DDA1: variants seen among roughly 807,000 people sequenced by gnomAD.
DDA1 encodes DET1- and DDB1-associated protein 1.
In DDA1, 3 loss-of-function variants were observed where a neutral mutation model predicts 18.6. The ratio of observed to expected loss-of-function variants is 0.16; its 90% confidence interval spans 0.07 to 0.42. The LOEUF (loss-of-function observed/expected upper bound fraction) is 0.42. Ranked by LOEUF, DDA1 falls within the 10% of genes least tolerant of loss-of-function variation. The probability of loss-of-function intolerance (pLI) is 0.99; values close to 1 mark genes in which losing one functional copy is unlikely to be tolerated. For missense variants in DDA1, 105 were observed against 138.2 expected (o/e 0.76, Z 1.20); for synonymous variants, 52 against 54.0 (o/e 0.96, Z 0.17).
rs547382958 is a variant in DDA1, at chr19:17,314,514, C to T, written c.136+125C>T. The T allele has an allele frequency of 2.2e-4, 291 of 1,296,472 alleles. No individual in the cohort carries two copies. In the African/African-American group the frequency reaches 3.5e-3, roughly 16 times the overall value. 80.3% of individuals were successfully genotyped at this position (1,296,472 alleles called of 1,614,324 possible). A position where few individuals can be genotyped will look rare whatever the true frequency, so the allele number is the denominator to read the frequency against. On this transcript the variant is annotated intron_variant, in intron 3 of 4. Coordinates refer to ENST00000359866, the MANE Select transcript of DDA1 (RefSeq NM_024050.6). This position sits in a 1 kb window ranked among gnomAD's most constrained non-coding sequence, Gnocchi z 4.6. The stretch of plus-strand genomic sequence containing the variant: ...GCCATAGACTTGGCTTGGGTTCACA[C>T]GCTGTCTACTGAATCCAGTTAAGTC...
chr19:17,318,832 G>A (rs1363718137), intron 4 of DDA1, among the ~76,000 whole-genome samples: 1 of 151,036 alleles, frequency 6.6e-6, no homozygotes, highest in Non-Finnish European at 1.5e-5. Flanking sequence ...CGCCTGGCAA[G>A]TTTGTTTTTT....
chr19:17,316,093 G>T, intron 4 of DDA1, 98 bp downstream of exon 4: 3 of 1,403,992 alleles, frequency 2.1e-6, no homozygotes, highest in Non-Finnish European at 3.0e-6. Flanking sequence ...AGTGATTGGA[G>T]CAGGGCCTTG....
At chr19:17,310,423 C>T (rs973905) in intron 1 of DDA1, among the ~76,000 whole-genome samples, 105,639 of 152,080 alleles carry the variant, frequency 0.69, 37,825 homozygotes, top group African/African-American at 0.8. Context: ...TTCAGGGTTC[C>T]TCAGTCATCC....
Position 17,315,440 on chromosome 19 carries a change from A to G in DDA1, c.137-494A>G, listed in dbSNP as rs527526634. 1.6e-3 allele frequency among the ~76,000 whole-genome samples: 188 copies of G among 119,482 alleles called. 1 individual carries two copies. The highest frequency in any genetic ancestry group is 2.7e-3 in the Non-Finnish European group (144 of 53,830). 78.4% of individuals were successfully genotyped at this position (119,482 alleles called of 152,430 possible). A position where few individuals can be genotyped will look rare whatever the true frequency, so the allele number is the denominator to read the frequency against. On this transcript the variant is annotated intron_variant, in intron 3 of 4. Coordinates refer to ENST00000359866, the MANE Select transcript of DDA1 (RefSeq NM_024050.6). ...TGTGTGTGTGTGTGCATATATATAT[A>G]TATATATATATATATTAGCCGGGCG...
rs147250555 is a variant in DDA1, at chr19:17,319,740, C to T, written c.*84C>T. ...GCCCGCCATGTGTAAGCACCCCGCC[C>T]GCCCGCCTCCCTGCCGGCCCATCCA... On this transcript the variant is annotated 3_prime_UTR_variant, in exon 5 of 5. Coordinates refer to ENST00000359866, the MANE Select transcript of DDA1 (RefSeq NM_024050.6). The T allele has an allele frequency of 1.1e-3, 1,391 of 1,240,488 alleles. 7 individuals are homozygous for T. The African/African-American group carries it at 0.013, about 12-fold the overall frequency. The allele number at this position is 1,240,488 out of a possible 1,614,324, so 76.8% of individuals were successfully genotyped here. A position where few individuals can be genotyped will look rare whatever the true frequency, so the allele number is the denominator to read the frequency against.
intron 4 of DDA1, among the ~76,000 whole-genome samples, chr19:17,319,115 C>A (rs2074227440): frequency 6.6e-6 from 1 of 152,170 alleles, no homozygotes; most frequent in Non-Finnish European, 1.5e-5. Flanking sequence ...AGAAACCAGC[C>A]CTGTGTGGGT....
At chr19:17,318,869 G>C (rs535252220) in intron 4 of DDA1, among the ~76,000 whole-genome samples, 73 of 151,970 alleles carry the variant, frequency 4.8e-4, no homozygotes, top group African/African-American at 1.6e-3. Flanking sequence ...TTGAACAGTG[G>C]GTGGCTGCCT....
rs749185153 is a variant in DDA1, at chr19:17,309,671, C to T, written c.3+14C>T. 3.7e-6 allele frequency: 6 copies of T among 1,612,516 alleles called. No individual in the cohort carries two copies. The South Asian group carries it at 5.5e-5, about 15-fold the overall frequency. ...AAACAGAAGATGGTGAGGATGGCCT[C>T]CAGGCCCCCACTCCCCCTCTGCTAG... On this transcript the variant is annotated intron_variant, in intron 1 of 4. Transcript: ENST00000359866.
At chr19:17,315,685 T>C (rs2074209661) in intron 3 of DDA1, 1 of 571,846 alleles carries the variant, frequency 1.7e-6, no homozygotes, top group Non-Finnish European at 3.1e-6. Flanking sequence ...GGCATGAGAG[T>C]CTCAGTTGCG....
Position 17,322,192 on chromosome 19 carries a change from G to A in DDA1, c.*2536G>A, listed in dbSNP as rs1331729354. 1 of 153,168 alleles carries A rather than the reference G, an allele frequency of 6.5e-6. No individual in the cohort carries two copies. Among genetic ancestry groups the A allele is most frequent in the African/African-American group, 2.4e-5 (1 of 41,426 alleles). 9.5% of individuals were successfully genotyped at this position (153,168 alleles called of 1,614,324 possible). ...CTGCCCGTCGCTCTGCAGGGCTGCT[G>A]GGCGGGCACCTCCTTCCCCTCCCCT... is the stretch of plus-strand genomic sequence containing the variant. On this transcript the variant is annotated 3_prime_UTR_variant, in exon 5 of 5. Coordinates refer to ENST00000359866, the MANE Select transcript of DDA1 (RefSeq NM_024050.6).
chr19:17,317,118 C>T (rs112382769), intron 4 of DDA1, among the ~76,000 whole-genome samples: 13,015 of 149,812 alleles, frequency 0.087, 654 homozygotes, highest in Non-Finnish European at 0.11. Context: ...CCAGCTACTC[C>T]GGAGGCTGAG....
At chr19:17,313,704 A>AAGTGCTG (rs2074189710) in intron 1 of DDA1, among the ~76,000 whole-genome samples, 1 of 152,078 alleles carries the variant, frequency 6.6e-6, no homozygotes, top group African/African-American at 2.4e-5. Flanking sequence ...CGGCCTCCCA[A>AAGTGCTG]AGTGCTGGGA....
intron 1 of DDA1, among the ~76,000 whole-genome samples, chr19:17,313,545 C>T (rs553822837): frequency 4.0e-5 from 6 of 149,514 alleles, no homozygotes; most frequent in African/African-American, 1.5e-4. Context: ...CGAGTTCAAG[C>T]GATTCTCCAG....
chr19:17,317,603 G>A (rs890242241), intron 4 of DDA1, among the ~76,000 whole-genome samples: 2 of 149,710 alleles, frequency 1.3e-5, no homozygotes, highest in Non-Finnish European at 3.0e-5. Context: ...AGAGGCTGAC[G>A]CAAGCAGATG....
intron 4 of DDA1, among the ~76,000 whole-genome samples, chr19:17,317,465 T>C (rs7252528): frequency 0.72 from 109,803 of 151,476 alleles, 41,098 homozygotes; most frequent in African/African-American, 0.85. Context: ...TGCAGTGAGC[T>C]GAAATTGCAC....
intron 1 of DDA1, among the ~76,000 whole-genome samples, chr19:17,312,582 C>T (rs960425157): frequency 1.3e-5 from 2 of 152,256 alleles, no homozygotes; most frequent in South Asian, 4.1e-4. Context: ...GCCTGCATCC[C>T]TGCGTCTGGG....
chr19:17,318,758 T>A (rs1292147647), intron 4 of DDA1, among the ~76,000 whole-genome samples: 2 of 151,376 alleles, frequency 1.3e-5, no homozygotes, highest in Non-Finnish European at 1.5e-5. Context: ...CTCCGCCTCT[T>A]GGGTTCAAGC....
chr19:17,315,130 C>T (rs12984454), intron 3 of DDA1, among the ~76,000 whole-genome samples: 16,550 of 46,512 alleles, frequency 0.36, 4,027 homozygotes, highest in Non-Finnish European at 0.43. Context: ...CGTATATATA[C>T]ACACATATAT....
At chr19:17,316,735 A>G (rs1487377191) in intron 4 of DDA1, among the ~76,000 whole-genome samples, 2 of 142,588 alleles carry the variant, frequency 1.4e-5, no homozygotes, top group Non-Finnish European at 1.5e-5. Context: ...AAAATTAGCC[A>G]GGTATGCTGG....
Sources: allele counts gnomAD v4.1 joint callset (sites outside exome capture counted in the v4.1 genomes callset), GRCh38; gene constraint gnomAD v4.1.1; non-coding constraint Gnocchi (gnomAD v3.1); transcripts MANE v1.5; gene names NCBI Gene and HGNC (gene_info 2026-07-23, HGNC 2026-07-21).